Variants in TCF20 observed in about 807,000 individuals in gnomAD.
The protein encoded by TCF20 is transcription factor 20, also known as SPRE-binding protein.
A neutral mutation model predicts 148.6 loss-of-function variants in TCF20; 3 were observed. The ratio of observed to expected loss-of-function variants is 0.02; its 90% CI spans 0.01 to 0.05. The LOEUF is 0.05. TCF20 is among the 10% of genes least tolerant of loss of function. The pLI is 1.00. For missense variants in TCF20, 2,350 were observed against 2,429.3 expected, an observed-to-expected ratio of 0.97 and a Z score of 0.69; for synonymous variants, 1,049 against 909.5, an observed-to-expected ratio of 1.15 and a Z score of -2.76.
chr22:42,243,415 C>T (rs1415564824), intron 1 of TCF20, among the ~76,000 whole-genome samples: 1 of 151,402 alleles, frequency 6.6e-6, no homozygotes, highest in African/African-American at 2.4e-5. Flanking sequence ...CCAGCCTGGC[C>T]AACACGGTGA....
intron 2 of TCF20, among the ~76,000 whole-genome samples, chr22:42,201,527 G>C (rs1938017737): frequency 6.6e-6 from 1 of 152,122 alleles, no homozygotes; most frequent in Non-Finnish European, 1.5e-5. Flanking sequence ...CAACACTTCG[G>C]GAGGCTGAGG....
At chr22:42,166,133 C>T (rs1241245797) in intron 5 of TCF20, among the ~76,000 whole-genome samples, 2 of 152,224 alleles carry the variant, frequency 1.3e-5, no homozygotes, top group African/African-American at 4.8e-5. Context: ...AGCTATATGC[C>T]TTGTGGGAAC....
intron 1 of TCF20, among the ~76,000 whole-genome samples, chr22:42,264,339 T>G (rs975422154): frequency 6.6e-6 from 1 of 152,106 alleles, no homozygotes; most frequent in African/African-American, 2.4e-5. Context: ...CTACACTGTC[T>G]AACACTCACC....
At chr22:42,266,779 AAAAC>A (rs886583571) in intron 1 of TCF20, among the ~76,000 whole-genome samples, 15 of 152,322 alleles carry the variant, frequency 9.8e-5, no homozygotes, top group East Asian at 7.7e-4. Context: ...ACTCCGTCTC[AAAAC>A]AAACAAACAA....
At chr22:42,230,428 G>A (rs1227347906) in intron 1 of TCF20, among the ~76,000 whole-genome samples, 2 of 152,116 alleles carry the variant, frequency 1.3e-5, no homozygotes, top group Non-Finnish European at 2.9e-5. Context: ...TATGTTACTG[G>A]TTTACATATC....
rs745604025 is a variant in TCF20 at position 42,215,297 on chromosome 22, G to A, written c.9C>T (p.Ser3=). ...CGTGGTAACTGCTTTGCTCCCGAAA[G>A]GACTGCATACTGTTCAGCAGCACAG... MQ[S]FREQSSYHGN... is the part of the protein sequence containing the mutation. The change falls in exon 2 of 6, where the codon TCC becomes TCT. Residue 3 remains serine (S), a synonymous_variant. Coordinates refer to ENST00000677622, the MANE Select transcript of TCF20 (RefSeq NM_001378418.1). The A allele has an allele frequency of 1.2e-6, 2 of 1,613,404 alleles. No homozygotes were observed. The highest frequency in any genetic ancestry group is 2.2e-5 in the South Asian group (2 of 91,038).
chr22:42,229,597 T>C (rs1003121266), intron 1 of TCF20, among the ~76,000 whole-genome samples: 1 of 152,186 alleles, frequency 6.6e-6, no homozygotes, highest in African/African-American at 2.4e-5. Flanking sequence ...AACAGGTTTG[T>C]TGAAGGCCAC....
chr22:42,223,580 G>A (rs1001326211), intron 1 of TCF20, among the ~76,000 whole-genome samples: 3 of 151,902 alleles, frequency 2.0e-5, no homozygotes, highest in Admixed American at 2.0e-4. Context: ...TGGAGACTCA[G>A]AAGTTAAACA....
intron 3 of TCF20, among the ~76,000 whole-genome samples, chr22:42,173,537 A>T (rs1374228572): frequency 6.6e-6 from 1 of 152,190 alleles, no homozygotes; most frequent in Admixed American, 6.5e-5. Context: ...ACTGCTCTTT[A>T]CTCCATAAGG....
chr22:42,294,920 G>A (rs572480098), intron 1 of TCF20, among the ~76,000 whole-genome samples: 16 of 152,322 alleles, frequency 1.1e-4, no homozygotes, highest in African/African-American at 3.1e-4. Context: ...ATCCAAAGGT[G>A]CTTGATGGCT....
At chr22:42,167,939 C>CTGG (rs1935891847) in intron 5 of TCF20, among the ~76,000 whole-genome samples, 1 of 150,746 alleles carries the variant, frequency 6.6e-6, no homozygotes, top group South Asian at 2.1e-4. Context: ...GTTGCCCAGG[C>CTGG]TGGTCTTGAA....
chr22:42,280,702 CAGAT>C (rs1926884054), intron 1 of TCF20, among the ~76,000 whole-genome samples: 1 of 152,232 alleles, frequency 6.6e-6, no homozygotes, highest in South Asian at 2.1e-4. Context: ...AACTGAGGCT[CAGAT>C]GGATTGAGTG....
chr22:42,252,615 T>TA (rs1325368213), intron 1 of TCF20, among the ~76,000 whole-genome samples: 1 of 152,122 alleles, frequency 6.6e-6, no homozygotes, highest in Non-Finnish European at 1.5e-5. Flanking sequence ...CATGCCCAGC[T>TA]AATTTTTGTA....
chr22:42,250,821 T>C (rs1239247939), intron 1 of TCF20, among the ~76,000 whole-genome samples: 1 of 152,164 alleles, frequency 6.6e-6, no homozygotes, highest in South Asian at 2.1e-4. Context: ...ACAGGAGGCA[T>C]AGTGGCACCT....
chr22:42,163,664 G>C, intron 5 of TCF20, among the ~76,000 whole-genome samples: 1 of 152,222 alleles, frequency 6.6e-6, no homozygotes, highest in East Asian at 1.9e-4. Flanking sequence ...GGCCCTAGGG[G>C]CTGCGTATGC....
chr22:42,332,458 G>C (rs1374549267), intron 1 of TCF20, among the ~76,000 whole-genome samples: 1 of 152,196 alleles, frequency 6.6e-6, no homozygotes, highest in Non-Finnish European at 1.5e-5. Context: ...GTTCGACGGG[G>C]AGAGTGAGCG....
chr22:42,238,053 TCTC>T (rs947528832), intron 1 of TCF20, among the ~76,000 whole-genome samples: 3 of 152,196 alleles, frequency 2.0e-5, no homozygotes, highest in African/African-American at 7.2e-5. Flanking sequence ...GGCACTGACT[TCTC>T]CTAATTATGG....
chr22:42,242,857 A>G (rs1924563366), intron 1 of TCF20, among the ~76,000 whole-genome samples: 1 of 152,114 alleles, frequency 6.6e-6, no homozygotes, highest in East Asian at 1.9e-4. Context: ...ACTGCACTTC[A>G]GCTTGGGTGA....
intron 1 of TCF20, among the ~76,000 whole-genome samples, chr22:42,245,587 G>A (rs888167848): frequency 6.6e-6 from 1 of 152,072 alleles, no homozygotes; most frequent in Admixed American, 6.6e-5. Flanking sequence ...CTTCTGCAAT[G>A]CCCTTTTAAG....
Sources: gnomAD v4.1 joint callset for allele counts (sites outside exome capture counted in the v4.1 genomes callset) on GRCh38, gnomAD v4.1.1 for gene constraint, MANE v1.5 for transcripts, NCBI Gene and HGNC (gene_info 2026-07-23, HGNC 2026-07-21) for gene names.